TSPEAR: variants seen among roughly 807,000 people sequenced by gnomAD.
TSPEAR encodes thrombospondin type laminin G domain and EAR repeats.
Under a neutral mutation model 71.6 loss-of-function variants are expected in TSPEAR, and 69 were observed. That is an observed-to-expected ratio of 0.96 (90% CI 0.79 to 1.18). The LOEUF (loss-of-function observed/expected upper bound fraction) is 1.18, where lower values mean the gene tolerates loss of function less well. Among genes scored for constraint, TSPEAR ranks in the 50% most tolerant of loss-of-function variants. TSPEAR has a pLI of 0.00. For synonymous variants in TSPEAR, 402 were observed against 387.2 expected, an observed-to-expected ratio of 1.04 and a Z score of -0.45; for missense variants, 971 against 894.9, an observed-to-expected ratio of 1.09 and a Z score of -1.09.
chr21:44,638,771 G>A (rs2838597), intron 1 of TSPEAR, among the ~76,000 whole-genome samples: 73,608 of 150,176 alleles, frequency 0.49, 18,023 homozygotes, highest in East Asian at 0.62. Flanking sequence ...TCGGGACAAA[G>A]TGGACCCTGG....
chr21:44,584,231 G>T (rs1823776083), intron 1 of TSPEAR, among the ~76,000 whole-genome samples: 1 of 152,148 alleles, frequency 6.6e-6, no homozygotes, highest in Non-Finnish European at 1.5e-5. Flanking sequence ...CATAGTGTGT[G>T]CAGGTTCATC....
chr21:44,597,440 T>TC (rs1980443719), intron 1 of TSPEAR, among the ~76,000 whole-genome samples: 5 of 149,146 alleles, frequency 3.4e-5, no homozygotes, highest in African/African-American at 1.2e-4. Context: ...TTCTTTTCTT[T>TC]TTTTTTTTTT....
At chr21:44,616,204 G>T (rs1255879382) in intron 1 of TSPEAR, among the ~76,000 whole-genome samples, 1 of 152,234 alleles carries the variant, frequency 6.6e-6, no homozygotes. Flanking sequence ...AGCTGCCCCA[G>T]ATCCCTGCCA....
intron 1 of TSPEAR, chr21:44,602,031 G>T: frequency 1.9e-6 from 1 of 527,708 alleles, no homozygotes; most frequent in African/African-American, 1.9e-5. Context: ...AGGGTAGACA[G>T]GTACCAACTG....
chr21:44,604,347 G>A (rs984153536), intron 1 of TSPEAR, among the ~76,000 whole-genome samples: 1 of 152,072 alleles, frequency 6.6e-6, no homozygotes, highest in African/African-American at 2.4e-5. Flanking sequence ...AACATAAAAA[G>A]AAACGAATAA....
At chr21:44,560,886 A>G (rs1295163576) in intron 2 of TSPEAR, among the ~76,000 whole-genome samples, 1 of 119,382 alleles carries the variant, frequency 8.4e-6, no homozygotes, top group African/African-American at 3.2e-5. Flanking sequence ...AGCTGGAAAG[A>G]TCTCAGATCT....
chr21:44,695,926 A>G lies in TSPEAR; in HGVS notation c.82+15507T>C, dbSNP rs1471183970. Among the ~76,000 whole-genome samples the G allele has an allele frequency of 6.6e-6, 1 of 152,168 alleles. No homozygotes were observed. The highest frequency in any genetic ancestry group is 6.5e-5 in the Admixed American group (1 of 15,286). ...GCCCTCCAACTTTCCAGGCAGAGCCAAGCAGCTCTCCCTTAATCTCAGGAT... is the reference window on the plus strand; with the variant it reads ...GCCCTCCAACTTTCCAGGCAGAGCCGAGCAGCTCTCCCTTAATCTCAGGAT... On this transcript the variant is annotated intron_variant, in intron 1 of 11. Coordinates refer to ENST00000323084, the MANE Select transcript of TSPEAR (RefSeq NM_144991.3). This position sits in a 1 kb window ranked among gnomAD's most constrained non-coding sequence, Gnocchi z 4.5.
chr21:44,507,993 ATAAG>A (rs1402645940), intron 10 of TSPEAR: 3 of 152,314 alleles, frequency 2.0e-5, no homozygotes, highest in Non-Finnish European at 4.4e-5. Context: ...TAAAAATCAT[ATAAG>A]TAAGATATTA....
chr21:44,674,776 GTGTGTGTGTA>G (rs1206492275), intron 1 of TSPEAR, among the ~76,000 whole-genome samples: 64 of 135,148 alleles, frequency 4.7e-4, no homozygotes, highest in Middle Eastern at 3.8e-3. Context: ...GTGTGTGTGT[GTGTGTGTGTA>G]TAACATTACC....
chr21:44,681,945 C>A lies in TSPEAR; in HGVS notation c.82+29488G>T, dbSNP rs200071585. ...GGGAGCCGCATACACGACGGGCCTG[C>A]AGCTCACGGGCACGCACACAGAGGA... On this transcript the variant is annotated intron_variant, in intron 1 of 11. Coordinates refer to ENST00000323084, the MANE Select transcript of TSPEAR (RefSeq NM_144991.3). 9.0e-5 allele frequency: 145 copies of A among 1,614,150 alleles called. 1 individual carries two copies. The highest frequency in any genetic ancestry group is 1.2e-5 in the Non-Finnish European group (14 of 1,179,998).
In TSPEAR at chr21:44,681,697, C is replaced by T. The variant is rs577065850; in HGVS notation, c.82+29736G>A. The T allele has an allele frequency of 2.3e-5, 27 of 1,196,130 alleles. No homozygotes were observed. In the South Asian group the frequency reaches 3.2e-4, roughly 14 times the overall value. The allele number at this position is 1,196,130 out of a possible 1,614,324, so 74.1% of individuals were successfully genotyped here. On this transcript the variant is annotated intron_variant, in intron 1 of 11. Coordinates refer to ENST00000323084, the MANE Select transcript of TSPEAR (RefSeq NM_144991.3). ...GCTCCAGATCATTCTATTATATTCTCGATCCAGAATTCAGAGGGTTCACTG... is the reference window on the plus strand; with the variant it reads ...GCTCCAGATCATTCTATTATATTCTTGATCCAGAATTCAGAGGGTTCACTG...
intron 2 of TSPEAR, among the ~76,000 whole-genome samples, chr21:44,555,124 G>A (rs1555919565): frequency 6.6e-6 from 1 of 152,142 alleles, no homozygotes; most frequent in East Asian, 1.9e-4. Flanking sequence ...AAAAGCAACC[G>A]AAACAGGCGG....
At chr21:44,540,842 G>A (rs1029207450) in intron 2 of TSPEAR, among the ~76,000 whole-genome samples, 1 of 152,264 alleles carries the variant, frequency 6.6e-6, no homozygotes, top group Non-Finnish European at 1.5e-5. Flanking sequence ...GAACGCTGGG[G>A]ATAGGACTGG....
At position 44,525,541 on chromosome 21, in the gene TSPEAR, G is replaced by A. The variant is rs2052837255; in HGVS notation, c.1336+112C>T. Reference sequence around the variant, plus strand: ...ACGGTCCAGAACGCATGTTCACCCTGTGCTGCATGTGGCTTATTGTTTTCT... The same window carrying A: ...ACGGTCCAGAACGCATGTTCACCCTATGCTGCATGTGGCTTATTGTTTTCT... On this transcript the variant is annotated intron_variant, in intron 8 of 11. Coordinates refer to ENST00000323084, the MANE Select transcript of TSPEAR (RefSeq NM_144991.3). 3.0e-5 allele frequency: 35 copies of A among 1,148,790 alleles called. 1 individual carries two copies. In the South Asian group the frequency reaches 4.9e-4, roughly 16 times the overall value. 71.2% of individuals were successfully genotyped at this position (1,148,790 alleles called of 1,614,324 possible). A position where few individuals can be genotyped will look rare whatever the true frequency, so the allele number is the denominator to read the frequency against.
chr21:44,524,530 A>G (rs1293392987), intron 8 of TSPEAR, among the ~76,000 whole-genome samples: 5 of 142,530 alleles, frequency 3.5e-5, no homozygotes, highest in Admixed American at 2.8e-4. Context: ...CAGTCAGACA[A>G]GTAGTCAGTA....
intron 1 of TSPEAR, among the ~76,000 whole-genome samples, chr21:44,572,297 C>T (rs1268124184): frequency 6.6e-6 from 1 of 152,172 alleles, no homozygotes; most frequent in African/African-American, 2.4e-5. Flanking sequence ...GCAGGACCCA[C>T]CGGAAGTTGG....
intron 2 of TSPEAR, among the ~76,000 whole-genome samples, chr21:44,548,232 GC>G (rs1295538777): frequency 6.6e-6 from 1 of 152,196 alleles, no homozygotes; most frequent in African/African-American, 2.4e-5. Flanking sequence ...TGCTTCCCTG[GC>G]AACAGCATCC....
chr21:44,621,887 T>C lies in TSPEAR; in HGVS notation c.83-53882A>G, dbSNP rs114752431. 1.1e-4 allele frequency among the ~76,000 whole-genome samples: 16 copies of C among 152,276 alleles called. 1 individual carries two copies. Among genetic ancestry groups the C allele is most frequent in the African/African-American group, 3.6e-4 (15 of 41,554 alleles). ...TGTCTCCACCAACGCAATCAATACATAGACTCCTCTCATCATCCCATACAT... is the reference window on the plus strand; with the variant it reads ...TGTCTCCACCAACGCAATCAATACACAGACTCCTCTCATCATCCCATACAT... On this transcript the variant is annotated intron_variant, in intron 1 of 11. Transcript: ENST00000323084.
Position 44,521,893 on chromosome 21 carries a change from T to A in TSPEAR, c.1556A>T (p.Gln519Leu), listed in dbSNP as rs1326528873. The change falls in exon 9 of 12, where the codon CAG becomes CTG. Residue 519 changes from glutamine (Q) to leucine (L), a missense_variant. Gln to Leu is a moderately radical substitution (Grantham distance 113). Coordinates refer to ENST00000323084, the MANE Select transcript of TSPEAR (RefSeq NM_144991.3). The part of the protein sequence containing the change: ...IRLLGSFQLF[Q>L]SFPTFGAADW... Reference sequence around the variant, plus strand: ...TGCGGGGGGCCTTACCGGGAAGGACTGGAAGAGCTGGAAGGAGCCCAGGAG... The same window carrying A: ...TGCGGGGGGCCTTACCGGGAAGGACAGGAAGAGCTGGAAGGAGCCCAGGAG... 1 of 1,613,256 alleles carries A rather than the reference T, an allele frequency of 6.2e-7. No individual in the cohort carries two copies. Among genetic ancestry groups the A allele is most frequent in the African/African-American group, 1.3e-5 (1 of 74,842 alleles).
Sources: allele counts gnomAD v4.1 joint callset (sites outside exome capture counted in the v4.1 genomes callset), GRCh38; gene constraint gnomAD v4.1.1; non-coding constraint Gnocchi (gnomAD v3.1); transcripts MANE v1.5; gene names NCBI Gene and HGNC (gene_info 2026-07-23, HGNC 2026-07-21).